The following TCF3 variants were observed in gnomAD, a reference collection of about 807,000 sequenced individuals.
The protein encoded by TCF3 is transcription factor E2-alpha.
A neutral mutation model predicts 72.3 loss-of-function variants in TCF3; 54 were observed. The ratio of observed to expected loss-of-function variants is 0.75; its 90% CI spans 0.60 to 0.94. The LOEUF (loss-of-function observed/expected upper bound fraction) is 0.94, where lower values mean the gene tolerates loss of function less well. Among genes scored for constraint, TCF3 ranks in the 40% least tolerant of loss-of-function variants. The pLI is 0.00. For missense variants in TCF3, 1,078 were observed against 934.4 expected, an observed-to-expected ratio of 1.15 and a Z score of -2.00; for synonymous variants, 525 against 412.6, an observed-to-expected ratio of 1.27 and a Z score of -3.30.
chr19:1,645,559 C>T (rs553805174), intron 3 of TCF3, among the ~76,000 whole-genome samples: 51 of 152,336 alleles, frequency 3.3e-4, no homozygotes, highest in African/African-American at 1.2e-3. Context: ...CTCATGCTCC[C>T]ACGGCCCCTT....
At chr19:1,643,010 T>C (rs1250800405) in intron 3 of TCF3, among the ~76,000 whole-genome samples, 1 of 152,162 alleles carries the variant, frequency 6.6e-6, no homozygotes, top group African/African-American at 2.4e-5. Context: ...GGTCCGTCAA[T>C]AAGCAATTTC....
chr19:1,619,365 G>A lies in TCF3; in HGVS notation c.1277C>T (p.Ala426Val). The A allele has an allele frequency of 2.5e-6, 4 of 1,587,732 alleles. No homozygotes were observed. Among genetic ancestry groups the A allele is most frequent in the Non-Finnish European group, 3.4e-6 (4 of 1,173,968 alleles). Residue 426 changes from alanine (A) to valine (V), a missense_variant, in exon 15 of 19, where the codon GCC becomes GTC. Physicochemically the swap from Ala to Val is moderately conservative, Grantham distance 64. Coordinates refer to ENST00000262965, the MANE Select transcript of TCF3 (RefSeq NM_003200.5). ...TGACATGGGGCCGGTGAAACCTGAG[G>A]CCAGCGCCCCGTGGCCAGGCAGCAG... ...HTLLPGHGAL[A>V]SGFTGPMSLG... is the part of the protein sequence containing the mutation.
chr19:1,639,875 A>AG (rs2064995687), intron 3 of TCF3, among the ~76,000 whole-genome samples: 2 of 152,020 alleles, frequency 1.3e-5, no homozygotes, highest in South Asian at 4.1e-4. Context: ...GGAACAGAAG[A>AG]GGGCAGAAGT....
At chr19:1,641,211 G>C (rs1174253421) in intron 3 of TCF3, among the ~76,000 whole-genome samples, 2 of 147,254 alleles carry the variant, frequency 1.4e-5, no homozygotes, top group East Asian at 4.0e-4. Flanking sequence ...AAAAAAAAAA[G>C]ATACAGCCAA....
rs758896297 is a variant in TCF3 at position 1,614,683 on chromosome 19, C to T, written c.1822+602G>A. Among the ~76,000 whole-genome samples the T allele has an allele frequency of 2.0e-5, 3 of 152,224 alleles. No individual in the cohort carries two copies. The highest frequency in any genetic ancestry group is 3.9e-4 in the East Asian group (2 of 5,170). On this transcript the variant is annotated intron_variant, in intron 18 of 18. Coordinates refer to ENST00000262965, the MANE Select transcript of TCF3 (RefSeq NM_003200.5). This position sits in a 1 kb window ranked among gnomAD's most constrained non-coding sequence, Gnocchi z 5.6. ...AAGGAGTTAAGGAAGCAGCCGCCAG[C>T]GCCAGCGGGGGGAAGGAGTCAGCTC...
chr19:1,631,858 C>T (rs1046250733), intron 5 of TCF3, 180 bp downstream of exon 5: 19 of 1,484,320 alleles, frequency 1.3e-5, no homozygotes, highest in African/African-American at 4.2e-5. Flanking sequence ...CCAGGGAGTC[C>T]GGGCCACGTC....
At position 1,619,237 on chromosome 19, in the gene TCF3, G is replaced by A; in HGVS notation, c.1327-3C>T. 6.3e-7 allele frequency: 1 copy of A among 1,592,050 alleles called. No individual in the cohort carries two copies. Among genetic ancestry groups the A allele is most frequent in the Non-Finnish European group, 8.5e-7 (1 of 1,176,026 alleles). On this transcript the variant is annotated splice_region_variant and splice_polypyrimidine_tract_variant and intron_variant, in intron 15 of 18. Transcript: ENST00000262965. ...TCCTCGGGGTGGCTGCCTCCAACCT[G>A]CAGGCGTGGGGAGACGGGTGCATCA...
At chr19:1,645,916 A>G (rs2066017626) in intron 3 of TCF3, among the ~76,000 whole-genome samples, 1 of 152,164 alleles carries the variant, frequency 6.6e-6, no homozygotes, top group South Asian at 2.1e-4. Flanking sequence ...ATACCTGCTT[A>G]AATGAAAGTC....
chr19:1,621,338 G>C (rs2062179668), intron 11 of TCF3, 147 bp from the exon 12 acceptor site: 2 of 1,004,180 alleles, frequency 2.0e-6, no homozygotes, highest in Non-Finnish European at 2.9e-6. Context: ...CTGACCCCCT[G>C]AAACCAGCCT....
At chr19:1,637,715 C>T (rs2064636468) in intron 3 of TCF3, among the ~76,000 whole-genome samples, 1 of 152,212 alleles carries the variant, frequency 6.6e-6, no homozygotes, top group Non-Finnish European at 1.5e-5. Flanking sequence ...CAAGACCATG[C>T]TGGCCAACAG....
rs936846351 is a variant in TCF3, at chr19:1,609,609, G to C, written c.*2098C>G. The C allele has an allele frequency of 9.5e-5, 21 of 221,194 alleles. 1 individual carries two copies. Among genetic ancestry groups the C allele is most frequent in the African/African-American group, 4.5e-4 (20 of 44,626 alleles). The allele number at this position is 221,194 out of a possible 1,614,324, so 13.7% of individuals were successfully genotyped here. ...CACTGCCCACCCAGACCTAGGGGCA[G>C]GGCCAGGAGCAAAACAAGAGGGAGA... On this transcript the variant is annotated 3_prime_UTR_variant, in exon 19 of 19. Coordinates refer to ENST00000262965, the MANE Select transcript of TCF3 (RefSeq NM_003200.5).
rs201703361 is a variant in TCF3, at chr19:1,622,126, C to T, written c.750G>A (p.Pro250=). ...TGCTGCCCACCGGGCCGCTACCGGG[C>T]GGGAGGGGCAGCGGGGATGAGCCCC... ...LGGGSSPLPL[P]PGSGPVGSSG... is the part of the protein sequence containing the mutation. The change falls in exon 10 of 19, where the codon CCG becomes CCA. Residue 250 remains proline (P), a synonymous_variant. Transcript: ENST00000262965. 2.2e-3 allele frequency: 3,531 copies of T among 1,597,414 alleles called. 2 individuals are homozygous for T. Among genetic ancestry groups the T allele is most frequent in the Non-Finnish European group, 2.8e-3 (3,296 of 1,174,014 alleles).
At position 1,620,983 on chromosome 19, in the gene TCF3, G is replaced by A. The variant is rs769232307; in HGVS notation, c.1078C>T (p.Pro360Ser). The change falls in exon 13 of 19, where the codon CCC (proline) becomes TCC (serine). Residue 360 changes from proline (P) to serine (S), a missense_variant. Coordinates refer to ENST00000262965, the MANE Select transcript of TCF3 (RefSeq NM_003200.5). The stretch of plus-strand genomic sequence containing the variant: ...CCTCACAGACCTGCCAGGCCCTGGG[G>A]GGAGCCCACGGGGGTAGAAGGGCTG... ...SSSPSTPVGS[P>S]QGLAGTSQWP... The A allele has an allele frequency of 6.6e-7, 1 of 1,512,870 alleles. No homozygotes were observed. The highest frequency in any genetic ancestry group is 8.8e-7 in the Non-Finnish European group (1 of 1,132,232). The allele number at this position is 1,512,870 out of a possible 1,614,324, so 93.7% of individuals were successfully genotyped here.
chr19:1,621,994 G>A (rs543265386), intron 10 of TCF3, 24 bp from the exon 11 acceptor site: 20 of 1,601,802 alleles, frequency 1.2e-5, no homozygotes, highest in South Asian at 6.7e-5. Context: ...CAGGAGGAGG[G>A]TGGGTTAGAT....
rs1196163968 is a variant in TCF3, at chr19:1,652,450, C to G, written c.-190G>C. ...GCGCGCGTGGCCCGGGCCCCTCCCA[C>G]CCCCGCGTGGCCCGTCCCGCGGGGC... On this transcript the variant is annotated 5_prime_UTR_variant, in exon 1 of 19. Coordinates refer to ENST00000262965, the MANE Select transcript of TCF3 (RefSeq NM_003200.5). 1 of 143,094 alleles carries G rather than the reference C, an allele frequency of 7.0e-6. No homozygotes were observed. Among genetic ancestry groups the G allele is most frequent in the Non-Finnish European group, 1.6e-5 (1 of 64,506 alleles). 8.9% of individuals were successfully genotyped at this position (143,094 alleles called of 1,614,324 possible). A position where few individuals can be genotyped will look rare whatever the true frequency, so the allele number is the denominator to read the frequency against.
intron 4 of TCF3, 42 bp downstream of exon 4, chr19:1,632,290 G>A (rs2063805989): frequency 2.6e-6 from 4 of 1,559,848 alleles, no homozygotes; most frequent in Non-Finnish European, 3.5e-6. Flanking sequence ...CCAACTCTGG[G>A]GACAGGAAAC....
chr19:1,634,899 A>G (rs1363759334), intron 3 of TCF3, among the ~76,000 whole-genome samples: 2 of 152,210 alleles, frequency 1.3e-5, no homozygotes, highest in African/African-American at 4.8e-5. Context: ...ATCAATTCCA[A>G]TAGAGACCAT....
At position 1,611,577 on chromosome 19, in the gene TCF3, G is replaced by C; in HGVS notation, c.*130C>G. On this transcript the variant is annotated 3_prime_UTR_variant, in exon 19 of 19. Transcript: ENST00000262965. ...CCATCACTCCGAACCTTGTCAGGTT[G>C]GTGTTGGCTCGATGCTGACAACAGG... The C allele has an allele frequency of 7.7e-7, 1 of 1,291,306 alleles. No individual in the cohort carries two copies. Among genetic ancestry groups the C allele is most frequent in the South Asian group, 1.5e-5 (1 of 65,912 alleles). The allele number at this position is 1,291,306 out of a possible 1,614,324, so 80.0% of individuals were successfully genotyped here. A position where few individuals can be genotyped will look rare whatever the true frequency, so the allele number is the denominator to read the frequency against.
intron 1 of TCF3, among the ~76,000 whole-genome samples, chr19:1,651,582 G>A (rs1326564579): frequency 6.6e-6 from 1 of 152,190 alleles, no homozygotes; most frequent in South Asian, 2.1e-4. Flanking sequence ...GGCGTCCCAA[G>A]GACTTTGAGA....
Sources: allele counts gnomAD v4.1 joint callset (sites outside exome capture counted in the v4.1 genomes callset), GRCh38; gene constraint gnomAD v4.1.1; non-coding constraint Gnocchi (gnomAD v3.1); transcripts MANE v1.5; gene names NCBI Gene and HGNC (gene_info 2026-07-23, HGNC 2026-07-21).